SMARCA4: variants seen among roughly 807,000 people sequenced by gnomAD.
The protein encoded by SMARCA4 is SWI/SNF-related matrix-associated actin-dependent regulator of chromatin subfamily A member 4.
SMARCA4 carries 31 observed loss-of-function variants against 193.9 expected under a neutral mutation model. That is an observed-to-expected ratio of 0.16 (90% CI 0.12 to 0.22). The LOEUF is 0.22. Ranked by LOEUF, SMARCA4 falls within the 10% of genes least tolerant of loss-of-function variation. The probability of loss-of-function intolerance (pLI) is 1.00; values close to 1 mark genes in which losing one functional copy is unlikely to be tolerated. For synonymous variants in SMARCA4, 942 were observed against 933.1 expected (o/e 1.01, Z -0.17); for missense variants, 1,148 against 2,296.0 (o/e 0.50, Z 10.22).
intron 32 of SMARCA4, 55 bp from the exon 33 acceptor site, chr19:11,059,698 G>A (rs2076745689): frequency 5.2e-6 from 8 of 1,543,276 alleles, no homozygotes; most frequent in Non-Finnish European, 7.0e-6. Context: ...CCAGGGCCGG[G>A]CAGGCAGCCC....
chr19:11,021,494 A>G (rs747115980), intron 18 of SMARCA4: 20 of 659,944 alleles, frequency 3.0e-5, no homozygotes, highest in Middle Eastern at 4.8e-4. Flanking sequence ...TCACCTGCCA[A>G]TAGTCATGGG....
chr19:10,996,800 G>A (rs1251173560), intron 11 of SMARCA4, among the ~76,000 whole-genome samples: 1 of 152,148 alleles, frequency 6.6e-6, no homozygotes, highest in Non-Finnish European at 1.5e-5. Flanking sequence ...CCGACTTACA[G>A]GAGAGGTGCA....
At chr19:11,028,447 C>T (rs570241021) in intron 24 of SMARCA4, among the ~76,000 whole-genome samples, 2 of 152,338 alleles carry the variant, frequency 1.3e-5, no homozygotes, top group African/African-American at 4.8e-5. Context: ...CCCAGGCTGG[C>T]TCTCATTTAG....
intron 30 of SMARCA4, among the ~76,000 whole-genome samples, chr19:11,043,184 G>A (rs1049283398): frequency 3.9e-5 from 6 of 152,204 alleles, no homozygotes; most frequent in Admixed American, 2.6e-4. Context: ...CCAGCTACTC[G>A]GGAGGCTGAG....
chr19:10,973,810 TC>T (rs921504867), intron 1 of SMARCA4, among the ~76,000 whole-genome samples: 23 of 152,252 alleles, frequency 1.5e-4, no homozygotes, highest in African/African-American at 5.3e-4. Context: ...ACCCTCGTGA[TC>T]CACCCGCCTT....
chr19:10,983,984 G>A (rs905140622), intron 1 of SMARCA4, 137 bp from the exon 2 acceptor site: 5 of 695,258 alleles, frequency 7.2e-6, no homozygotes, highest in Admixed American at 6.2e-5. Context: ...TGGAGAAACG[G>A]TTTGGGTGGC....
rs754047386 is a variant in SMARCA4, at chr19:11,030,791, G to A, written c.3444G>A (p.Glu1148=). 64 of 1,609,958 alleles carry A rather than the reference G, an allele frequency of 4.0e-5. 1 individual carries two copies. The highest frequency in any genetic ancestry group is 3.7e-5 in the Non-Finnish European group (44 of 1,178,400). ...LLKTFNEPGS[E]YFIFLLSTRA... ...AAACCTTCAACGAGCCCGGCTCTGA[G>A]TACTTCATCTTCCTGCTCAGCACCC... The change falls in exon 25 of 35, where the codon GAG becomes GAA. Residue 1148 remains glutamate, a synonymous_variant. Transcript: ENST00000344626. This position sits in a 1 kb window ranked among gnomAD's most constrained non-coding sequence, Gnocchi z 5.5.
intron 16 of SMARCA4, 35 bp from the exon 17 acceptor site, chr19:11,018,922 A>G (rs2146357704): frequency 6.3e-7 from 1 of 1,575,088 alleles, no homozygotes; most frequent in African/African-American, 1.3e-5. Flanking sequence ...TTGATGAGAG[A>G]CCGGCACTTG....
chr19:10,999,308 G>A lies in SMARCA4; in HGVS notation c.1812+2764G>A, dbSNP rs1015123184. Among the ~76,000 whole-genome samples the A allele has an allele frequency of 5.3e-5, 8 of 152,192 alleles. No individual in the cohort carries two copies. In the East Asian group the frequency reaches 7.7e-4, roughly 15 times the overall value. On this transcript the variant is annotated intron_variant, in intron 11 of 34. Coordinates refer to ENST00000344626, the MANE Select transcript of SMARCA4 (RefSeq NM_003072.5). ...CTGCTTCTAGGCCCTCTGAGCAGCC[G>A]GATCTGGGAAATAGATGTATGTACA... is the stretch of plus-strand genomic sequence containing the variant.
chr19:10,995,772 A>T (rs1169896141), intron 9 of SMARCA4: 1 of 356,220 alleles, frequency 2.8e-6, no homozygotes, highest in Non-Finnish European at 5.5e-6. Flanking sequence ...CATTGGGAGG[A>T]CTCTGGGTTG....
At chr19:11,053,609 G>A (rs959329269) in intron 30 of SMARCA4, among the ~76,000 whole-genome samples, 1 of 152,302 alleles carries the variant, frequency 6.6e-6, no homozygotes, top group Non-Finnish European at 1.5e-5. Context: ...GGCCCAGCAA[G>A]CCTCAAATAT....
chr19:11,039,727 T>C (rs1325139412), intron 29 of SMARCA4: 1 of 398,168 alleles, frequency 2.5e-6, no homozygotes, highest in Non-Finnish European at 4.4e-6. Context: ...GATGGGAAGA[T>C]CACTTGAGCC....
intron 13 of SMARCA4, among the ~76,000 whole-genome samples, chr19:11,006,950 CAT>C (rs1371164794): frequency 2.6e-5 from 4 of 151,716 alleles, no homozygotes; most frequent in Non-Finnish European, 4.4e-5. Context: ...AGCCAAGTGT[CAT>C]AGTGCACGCC....
chr19:11,044,613 A>G (rs2146872686), intron 30 of SMARCA4, among the ~76,000 whole-genome samples: 1 of 152,314 alleles, frequency 6.6e-6, no homozygotes, highest in East Asian at 1.9e-4. Context: ...CCGCCCCAGA[A>G]CGGCCGAATG....
Position 11,062,173 on chromosome 19 carries a change from C to T in SMARCA4, c.*357C>T, listed in dbSNP as rs2076930255. 2 of 413,448 alleles carry T rather than the reference C, an allele frequency of 4.8e-6. No individual in the cohort carries two copies. Among genetic ancestry groups the T allele is most frequent in the Admixed American group, 3.8e-5 (1 of 26,404 alleles). The allele number at this position is 413,448 out of a possible 1,614,324, so 25.6% of individuals were successfully genotyped here. On this transcript the variant is annotated 3_prime_UTR_variant, in exon 35 of 35. Coordinates refer to ENST00000344626, the MANE Select transcript of SMARCA4 (RefSeq NM_003072.5). The stretch of plus-strand genomic sequence containing the variant: ...GCATGTGCGTCACCGTCCACTCCTC[C>T]TACTGTATTTTATTGGACAGGTCAG...
chr19:10,984,578 T>C lies in SMARCA4; in HGVS notation c.222+205T>C, dbSNP rs2085849939. ...GACCCCAGCCTGTGCTGGCGCATGA[T>C]CTGGGCCCCGCGGGCACCTGCCCCA... is the stretch of plus-strand genomic sequence containing the variant. On this transcript the variant is annotated intron_variant, in intron 2 of 34. Transcript: ENST00000344626. The surrounding 1 kb of genome is among the most constrained non-coding windows in gnomAD (Gnocchi z 4.3). 6.6e-6 allele frequency among the ~76,000 whole-genome samples: 1 copy of C among 152,276 alleles called. No homozygotes were observed. Among genetic ancestry groups the C allele is most frequent in the Admixed American group, 6.5e-5 (1 of 15,294 alleles).
intron 7 of SMARCA4, 148 bp from the exon 8 acceptor site, chr19:10,991,002 T>C: frequency 7.5e-7 from 1 of 1,328,484 alleles, no homozygotes; most frequent in Non-Finnish European, 1.0e-6. Context: ...GGGCACCTGC[T>C]AGACGTCCCC....
At chr19:10,978,497 G>T in intron 1 of SMARCA4, among the ~76,000 whole-genome samples, 1 of 152,112 alleles carries the variant, frequency 6.6e-6, no homozygotes, top group African/African-American at 2.4e-5. Flanking sequence ...ACCACGCCTG[G>T]CTAATTTTTG....
chr19:10,967,919 C>A (rs917271508), intron 1 of SMARCA4, among the ~76,000 whole-genome samples: 25 of 151,296 alleles, frequency 1.7e-4, no homozygotes, highest in African/African-American at 5.6e-4. Flanking sequence ...CTTAGTTGCC[C>A]AGGCTGGAGT....
Sources: allele counts gnomAD v4.1 joint callset (sites outside exome capture counted in the v4.1 genomes callset), GRCh38; gene constraint gnomAD v4.1.1; non-coding constraint Gnocchi (gnomAD v3.1); transcripts MANE v1.5; gene names NCBI Gene and HGNC (gene_info 2026-07-23, HGNC 2026-07-21).